Variants in GANAB observed in about 807,000 individuals in gnomAD.
GANAB encodes neutral alpha-glucosidase AB.
GANAB carries 35 observed loss-of-function variants against 129.9 expected under a neutral mutation model. The ratio of observed to expected loss-of-function variants is 0.27; its 90% confidence interval spans 0.21 to 0.36. The LOEUF (loss-of-function observed/expected upper bound fraction) is 0.36. GANAB is among the 10% of genes least tolerant of loss of function. The probability of loss-of-function intolerance (pLI) is 1.00; values close to 1 mark genes in which losing one functional copy is unlikely to be tolerated. For synonymous variants in GANAB, 482 were observed against 451.8 expected, an observed-to-expected ratio of 1.07 and a Z score of -0.85; for missense variants, 939 against 1,221.0, an observed-to-expected ratio of 0.77 and a Z score of 3.44.
intron 9 of GANAB, among the ~76,000 whole-genome samples, chr11:62,631,666 T>A (rs948763888): frequency 6.6e-6 from 1 of 152,016 alleles, no homozygotes; most frequent in Non-Finnish European, 1.5e-5. Flanking sequence ...TTTCACAATG[T>A]TGGCCAGGAT....
intron 7 of GANAB, 21 bp from the exon 8 acceptor site, chr11:62,633,122 C>T (rs1233336299): frequency 2.5e-6 from 4 of 1,604,524 alleles, no homozygotes; most frequent in East Asian, 2.2e-5. Flanking sequence ...AACAAACAAG[C>T]TTCAGAGCTT....
intron 4 of GANAB, among the ~76,000 whole-genome samples, chr11:62,636,941 A>G (rs1007604972): frequency 4.6e-5 from 7 of 151,880 alleles, no homozygotes; most frequent in African/African-American, 1.5e-4. Context: ...ATATATATAT[A>G]TATATTTTTT....
intron 1 of GANAB, among the ~76,000 whole-genome samples, chr11:62,644,092 G>A (rs985717574): frequency 1.4e-4 from 22 of 152,174 alleles, no homozygotes; most frequent in South Asian, 4.1e-4. Context: ...TTACAGGCGC[G>A]TGCCACCACA....
At chr11:62,638,912 G>A in intron 4 of GANAB, 71 bp downstream of exon 4, 9 of 1,515,532 alleles carry the variant, frequency 5.9e-6, no homozygotes, top group South Asian at 1.1e-5. Flanking sequence ...AAGAATATCA[G>A]CAACCAAAAA....
In GANAB at chr11:62,628,715, C is replaced by CT; in HGVS notation, c.2180+53dup. 4 of 1,590,466 alleles carry CT rather than the reference C, an allele frequency of 2.5e-6. No individual in the cohort carries two copies. The South Asian group carries it at 4.5e-5, about 18-fold the overall frequency. ...GAGACCCAGAGATGAAGCCCAGTCC[C>CT]TAATACCCCCAGCCACCTCAGCCCA... On this transcript the variant is annotated intron_variant, in intron 17 of 23. Transcript: ENST00000356638.
At chr11:62,630,151 C>G (rs776670239) in intron 13 of GANAB, 46 bp downstream of exon 13, 2 of 1,446,476 alleles carry the variant, frequency 1.4e-6, no homozygotes, top group Non-Finnish European at 1.9e-6. Flanking sequence ...TTCAGGGAGG[C>G]AGGTGGAACA....
intron 1 of GANAB, chr11:62,639,956 C>T (rs1442896132): frequency 5.8e-6 from 3 of 518,778 alleles, no homozygotes; most frequent in South Asian, 4.5e-5. Flanking sequence ...GCAGAGTAGG[C>T]TGGGCGTGGT....
chr11:62,644,195 C>T (rs1216855023), intron 1 of GANAB, among the ~76,000 whole-genome samples: 2 of 152,080 alleles, frequency 1.3e-5, no homozygotes, highest in Non-Finnish European at 2.9e-5. Context: ...TCGCCAGCCT[C>T]GGCCTCCCAA....
intron 17 of GANAB, among the ~76,000 whole-genome samples, chr11:62,627,804 T>G (rs571853487): frequency 5.0e-4 from 76 of 152,244 alleles, no homozygotes; most frequent in African/African-American, 1.5e-3. Flanking sequence ...GACAGTCGGG[T>G]TGGGGTTCAG....
rs777930468 is a variant in GANAB, at chr11:62,630,488, G to A, written c.1404C>T (p.Asp468=). The A allele has an allele frequency of 1.2e-6, 2 of 1,614,132 alleles. No individual in the cohort carries two copies. Among genetic ancestry groups the A allele is most frequent in the Non-Finnish European group, 1.7e-6 (2 of 1,180,028 alleles). Residue 468 remains aspartate, a synonymous_variant, in exon 12 of 24, where the codon GAC becomes GAT. Transcript: ENST00000356638. Reference sequence around the variant, plus strand: ...AGCCGGAGTCCACCTTGATGTGGGGGTCTACGATGGCCACCAGCTGGGGGC... The same window carrying A: ...AGCCGGAGTCCACCTTGATGTGGGGATCTACGATGGCCACCAGCTGGGGGC... ...SKRRKLVAIV[D]PHIKVDSGYR... is the part of the protein sequence containing the mutation.
chr11:62,639,519 A>C (rs1944123556), intron 2 of GANAB, 52 bp from the exon 3 acceptor site: 3 of 1,480,762 alleles, frequency 2.0e-6, no homozygotes, highest in Non-Finnish European at 1.9e-6. Context: ...CAATGTCCCT[A>C]AGTCAGTCTA....
chr11:62,629,375 C>A, intron 15 of GANAB, 80 bp from the exon 16 acceptor site: 1 of 1,032,648 alleles, frequency 9.7e-7, no homozygotes, highest in South Asian at 1.3e-5. Context: ...CACATCCGCT[C>A]TGGGTCCCCA....
chr11:62,646,580 A>G lies in GANAB; in HGVS notation c.20T>C (p.Val7Ala). MAAVAA[V>A]AARRRRSWAS... ...TCCTCACCGCCTCCTACGCGCCGCCACTGCCGCTACCGCCGCCATCTTGTG... is the reference window on the plus strand; with the variant it reads ...TCCTCACCGCCTCCTACGCGCCGCCGCTGCCGCTACCGCCGCCATCTTGTG... Residue 7 changes from valine to alanine, a missense_variant, in exon 1 of 24, where the codon GTG (valine) becomes GCG (alanine). This residue lies in a region of GANAB where 321 missense variants were observed against 329.1 expected (regional missense o/e 0.98). Transcript: ENST00000356638. 6.2e-7 allele frequency: 1 copy of G among 1,613,402 alleles called. No homozygotes were observed.
intron 1 of GANAB, among the ~76,000 whole-genome samples, chr11:62,642,931 G>A (rs960812971): frequency 6.6e-6 from 1 of 152,174 alleles, no homozygotes; most frequent in Non-Finnish European, 1.5e-5. Context: ...GGTAAGGGAT[G>A]AAACGAACTG....
intron 1 of GANAB, among the ~76,000 whole-genome samples, chr11:62,646,121 A>C (rs1837378413): frequency 6.6e-6 from 1 of 152,176 alleles, no homozygotes; most frequent in African/African-American, 2.4e-5. Flanking sequence ...CCAGAAGGGT[A>C]GTACAGGCTT....
chr11:62,635,384 T>C (rs990937194), intron 4 of GANAB, among the ~76,000 whole-genome samples: 68 of 152,042 alleles, frequency 4.5e-4, no homozygotes, highest in African/African-American at 1.4e-3. Context: ...GGTTTCTTCA[T>C]GTTGAGGCTG....
chr11:62,632,016 C>A (rs985445596), intron 9 of GANAB, among the ~76,000 whole-genome samples: 1 of 151,944 alleles, frequency 6.6e-6, no homozygotes. Flanking sequence ...CTCTGTCACC[C>A]AGGCTGGAGT....
rs1156534580 is a variant in GANAB, at chr11:62,633,061, C to T, written c.759G>A (p.Met253Ile). Reference sequence around the variant, plus strand: ...GCTCAGGGATCCCATAGACATGCTCCATGCCTGGCAGAGAGAAGTCCAAAC... The same window carrying T: ...GCTCAGGGATCCCATAGACATGCTCTATGCCTGGCAGAGAGAAGTCCAAAC... ...SVGLDFSLPGMEHVYGIPEHA... is the reference protein window; with the variant it reads ...SVGLDFSLPGIEHVYGIPEHA... Residue 253 changes from methionine (M) to isoleucine (I), a missense_variant, in exon 8 of 24, where the codon ATG becomes ATA. Physicochemically the swap from Met to Ile is conservative, Grantham distance 10. Around this residue, in one of 5 missense-constraint regions of GANAB, gnomAD observed 321 missense variants for 329.1 expected, o/e 0.98. Coordinates refer to ENST00000356638, the MANE Select transcript of GANAB (RefSeq NM_198334.3). 7.4e-6 allele frequency: 12 copies of T among 1,612,620 alleles called. No individual in the cohort carries two copies. Among genetic ancestry groups the T allele is most frequent in the African/African-American group, 1.3e-5 (1 of 74,856 alleles).
intron 1 of GANAB, among the ~76,000 whole-genome samples, chr11:62,642,722 C>T (rs188166328): frequency 1.2e-4 from 18 of 152,196 alleles, no homozygotes; most frequent in Admixed American, 8.5e-4. Flanking sequence ...GTTGTGTCAT[C>T]GCGCCCCACT....
Sources: gnomAD v4.1 joint callset for allele counts (sites outside exome capture counted in the v4.1 genomes callset) on GRCh38, gnomAD v4.1.1 for gene constraint, gnomAD v4.1.1 regional missense constraint, MANE v1.5 for transcripts, NCBI Gene and HGNC (gene_info 2026-07-23, HGNC 2026-07-21) for gene names.